The following DOCK1 variants were observed in gnomAD, a reference collection of about 807,000 sequenced individuals.
DOCK1 encodes the protein dedicator of cytokinesis protein 1.
DOCK1 carries 138 observed loss-of-function variants against 262.7 expected under a neutral mutation model. That is an observed-to-expected ratio of 0.53 (90% CI 0.46 to 0.61). The LOEUF is 0.61. Among genes scored for constraint, DOCK1 ranks in the 20% least tolerant of loss-of-function variants. The pLI is 0.00. For missense variants in DOCK1, 1,908 were observed against 2,370.7 expected (o/e 0.80, Z 4.05); for synonymous variants, 866 against 867.4 (o/e 1.00, Z 0.03).
At chr10:127,077,985 G>A (rs1340208936) in intron 23 of DOCK1, among the ~76,000 whole-genome samples, 2 of 152,096 alleles carry the variant, frequency 1.3e-5, no homozygotes, top group East Asian at 1.9e-4. Flanking sequence ...CCAGGGGCAG[G>A]AGTGGAGGCA....
chr10:127,218,036 A>G (rs1378851849), intron 27 of DOCK1, among the ~76,000 whole-genome samples: 2 of 151,804 alleles, frequency 1.3e-5, no homozygotes, highest in Admixed American at 1.3e-4. Flanking sequence ...TGAGTTTTCC[A>G]TTCTATTCTG....
At position 127,257,435 on chromosome 10, in the gene DOCK1, T is replaced by C; in HGVS notation, c.3044+6T>C. ...ATGAACATGGTGCAAAATAAGTAAG[T>C]GTGGGGAAAACGGCTCTCACCTTTT... On this transcript the variant is annotated splice_donor_region_variant and intron_variant, in intron 29 of 51. Transcript: ENST00000623213. 1.3e-6 allele frequency: 2 copies of C among 1,595,258 alleles called. No individual in the cohort carries two copies. The highest frequency in any genetic ancestry group is 1.7e-6 in the Non-Finnish European group (2 of 1,169,620).
chr10:127,188,988 T>C (rs2056523138), intron 27 of DOCK1, among the ~76,000 whole-genome samples: 1 of 152,122 alleles, frequency 6.6e-6, no homozygotes, highest in Admixed American at 6.5e-5. Context: ...TGCACTCCAC[T>C]GTGAGCTGGG....
intron 27 of DOCK1, among the ~76,000 whole-genome samples, chr10:127,165,629 A>G (rs1285369730): frequency 1.3e-5 from 2 of 152,148 alleles, no homozygotes; most frequent in Admixed American, 6.5e-5. Flanking sequence ...TGTTGTTCAC[A>G]TGGATGTGGA....
chr10:127,250,508 T>C (rs888431620), intron 28 of DOCK1, among the ~76,000 whole-genome samples: 2 of 152,094 alleles, frequency 1.3e-5, no homozygotes, highest in African/African-American at 4.8e-5. Context: ...GAAATGATGT[T>C]GGCCGGGCGT....
chr10:127,392,435 C>T lies in DOCK1; in HGVS notation c.3927+7526C>T, dbSNP rs77975724. Among the ~76,000 whole-genome samples the T allele has an allele frequency of 6.1e-3, 934 of 152,218 alleles. 7 individuals carry two copies. Among genetic ancestry groups the T allele is most frequent in the African/African-American group, 0.021 (868 of 41,544 alleles). Reference sequence around the variant, plus strand: ...CTGTGCCGTGGCCTGGGCTCCACTCCATTTTTTTAAATAGCTTTTTAAGAG... The same window carrying T: ...CTGTGCCGTGGCCTGGGCTCCACTCTATTTTTTTAAATAGCTTTTTAAGAG... On this transcript the variant is annotated intron_variant, in intron 38 of 51. Coordinates refer to ENST00000623213, the MANE Select transcript of DOCK1 (RefSeq NM_001290223.2).
At chr10:127,047,374 C>T (rs1303817145) in intron 21 of DOCK1, among the ~76,000 whole-genome samples, 1 of 152,038 alleles carries the variant, frequency 6.6e-6, no homozygotes, top group East Asian at 1.9e-4. Context: ...GATAAAAGTT[C>T]CCTTGTATAT....
chr10:126,926,204 C>T lies in DOCK1; in HGVS notation c.46+20641C>T, dbSNP rs186589717. On this transcript the variant is annotated intron_variant, in intron 1 of 51. Transcript: ENST00000623213. ...CACCATGTAAGCCTGAAAATTGATCCGGTGACAGAGCCACCGAAGTGTTTT... is the reference window on the plus strand; with the variant it reads ...CACCATGTAAGCCTGAAAATTGATCTGGTGACAGAGCCACCGAAGTGTTTT... Among the ~76,000 whole-genome samples the T allele has an allele frequency of 1.7e-4, 26 of 151,988 alleles. No individual in the cohort carries two copies. The South Asian group carries it at 3.1e-3, about 18-fold the overall frequency.
chr10:127,231,573 C>T (rs1166319611), intron 27 of DOCK1, among the ~76,000 whole-genome samples: 1 of 152,076 alleles, frequency 6.6e-6, no homozygotes, highest in Non-Finnish European at 1.5e-5. Context: ...GCACACACCA[C>T]CATGCCTGGC....
At chr10:127,058,942 A>G (rs575883648) in intron 22 of DOCK1, among the ~76,000 whole-genome samples, 61 of 152,022 alleles carry the variant, frequency 4.0e-4, no homozygotes, top group African/African-American at 1.3e-3. Flanking sequence ...TCATCCTTCA[A>G]TTTCACTTTT....
intron 38 of DOCK1, among the ~76,000 whole-genome samples, chr10:127,393,140 G>C (rs777981090): frequency 3.9e-5 from 6 of 152,140 alleles, no homozygotes; most frequent in Non-Finnish European, 8.8e-5. Flanking sequence ...TCCTTGGTTC[G>C]ATCTTACATG....
At position 127,087,069 on chromosome 10, in the gene DOCK1, C is replaced by T. The variant is rs536411194; in HGVS notation, c.2446-19162C>T. Among the ~76,000 whole-genome samples the T allele has an allele frequency of 5.3e-5, 8 of 152,250 alleles. 1 individual carries two copies. In the East Asian group the frequency reaches 1.5e-3, roughly 29 times the overall value. The stretch of plus-strand genomic sequence containing the variant: ...AGAGGGGTTCATGGACTACATAAGC[C>T]TCCAGAAGGCCAGGGGATGTGGTCA... On this transcript the variant is annotated intron_variant, in intron 23 of 51. Coordinates refer to ENST00000623213, the MANE Select transcript of DOCK1 (RefSeq NM_001290223.2).
At chr10:127,213,044 C>T (rs1029724512) in intron 27 of DOCK1, among the ~76,000 whole-genome samples, 3 of 152,168 alleles carry the variant, frequency 2.0e-5, no homozygotes, top group African/African-American at 7.2e-5. Context: ...CTATCCATCC[C>T]CTTTAGATTA....
At position 127,032,293 on chromosome 10, in the gene DOCK1, G is replaced by A. The variant is rs750494984; in HGVS notation, c.1885G>A (p.Val629Met). 1.4e-5 allele frequency: 22 copies of A among 1,578,904 alleles called. No individual in the cohort carries two copies. The highest frequency in any genetic ancestry group is 2.7e-5 in the African/African-American group (2 of 73,456). ...SKDSFQISTL[V>M]CSTKLTQNVD... ...GGACTCCTTCCAGATCTCCACGCTCGTGTGCTCCACCAAACTGACTCAGAA... is the reference window on the plus strand; with the variant it reads ...GGACTCCTTCCAGATCTCCACGCTCATGTGCTCCACCAAACTGACTCAGAA... The change falls in exon 18 of 52, where the codon GTG becomes ATG. Residue 629 changes from valine (V) to methionine (M), a missense_variant. This residue lies in a region of DOCK1 where 294 missense variants were observed against 439.9 expected (regional missense o/e 0.67). Transcript: ENST00000623213.
chr10:127,122,920 GA>G (rs2049700330), intron 25 of DOCK1, among the ~76,000 whole-genome samples: 1 of 152,140 alleles, frequency 6.6e-6, no homozygotes, highest in Non-Finnish European at 1.5e-5. Context: ...TTAGCTCTGA[GA>G]ATAGCACAGA....
intron 31 of DOCK1, among the ~76,000 whole-genome samples, chr10:127,345,191 T>G (rs995337014): frequency 3.9e-5 from 6 of 152,238 alleles, no homozygotes; most frequent in African/African-American, 1.4e-4. Context: ...ATCCCTGTCA[T>G]TAAGCAAAGC....
At chr10:127,193,689 TCTTC>T (rs1267851191) in intron 27 of DOCK1, among the ~76,000 whole-genome samples, 1 of 152,194 alleles carries the variant, frequency 6.6e-6, no homozygotes, top group Non-Finnish European at 1.5e-5. Context: ...TGTGTAGGAG[TCTTC>T]CTTGTAGATG....
chr10:127,295,684 A>T (rs929810464), intron 29 of DOCK1, among the ~76,000 whole-genome samples: 1 of 129,112 alleles, frequency 7.7e-6, no homozygotes, highest in Non-Finnish European at 1.6e-5. Context: ...CCACCCCGAT[A>T]AAAAAAAAAA....
intron 43 of DOCK1, among the ~76,000 whole-genome samples, chr10:127,413,524 G>A (rs1414544045): frequency 6.6e-6 from 1 of 152,232 alleles, no homozygotes; most frequent in Admixed American, 6.5e-5. Flanking sequence ...GCCGAGAGCA[G>A]TGCGAGGTGG....
Sources: allele counts gnomAD v4.1 joint callset (sites outside exome capture counted in the v4.1 genomes callset), GRCh38; gene constraint gnomAD v4.1.1; regional missense constraint gnomAD v4.1.1; transcripts MANE v1.5; gene names NCBI Gene and HGNC (gene_info 2026-07-23, HGNC 2026-07-21).